CDKAL1: variants seen among roughly 807,000 people sequenced by gnomAD.
CDKAL1 encodes threonylcarbamoyladenosine tRNA methylthiotransferase.
In CDKAL1, 32 loss-of-function variants were observed where a neutral mutation model predicts 68.2. The observed-to-expected ratio is 0.47, with a 90% confidence interval of 0.35 to 0.63. The LOEUF (loss-of-function observed/expected upper bound fraction) is 0.63. CDKAL1 is among the 30% of genes least tolerant of loss of function. The pLI, the probability that CDKAL1 is intolerant of heterozygous loss-of-function variation, is 0.00. For missense variants in CDKAL1, 606 were observed against 696.7 expected (o/e 0.87, Z 1.47); for synonymous variants, 234 against 244.3 (o/e 0.96, Z 0.39).
chr6:20,721,725 GTTTTTTTTTTT>G (rs145893325), intron 5 of CDKAL1, among the ~76,000 whole-genome samples: 1 of 67,380 alleles, frequency 1.5e-5, no homozygotes, highest in Non-Finnish European at 2.7e-5. Context: ...ACCAACTTCT[GTTTTTTTTTTT>G]TTTTTTTTTT....
At chr6:20,744,546 G>C (rs1438760325) in intron 6 of CDKAL1, among the ~76,000 whole-genome samples, 1 of 152,116 alleles carries the variant, frequency 6.6e-6, no homozygotes, top group Non-Finnish European at 1.5e-5. Flanking sequence ...AACTTCTCCA[G>C]CTTCCTGGAG....
intron 5 of CDKAL1, among the ~76,000 whole-genome samples, chr6:20,700,723 G>C (rs1402327374): frequency 2.6e-5 from 4 of 152,110 alleles, no homozygotes; most frequent in African/African-American, 9.7e-5. Flanking sequence ...GTAACATACA[G>C]AATATTGAGA....
chr6:21,188,168 A>T (rs866699574), intron 13 of CDKAL1, among the ~76,000 whole-genome samples: 1 of 151,900 alleles, frequency 6.6e-6, no homozygotes, highest in African/African-American at 2.4e-5. Flanking sequence ...CATACTTGCA[A>T]TTTTTTTCTA....
chr6:20,860,874 A>C (rs115111671), intron 9 of CDKAL1, among the ~76,000 whole-genome samples: 2,006 of 152,038 alleles, frequency 0.013, 31 homozygotes, highest in African/African-American at 0.046. Flanking sequence ...ATAATTTATA[A>C]ACTAATAGAA....
Position 20,727,170 on chromosome 6 carries a change from C to T in CDKAL1, c.372-12349C>T, listed in dbSNP as rs116224475. Among the ~76,000 whole-genome samples, 332 of 152,276 alleles carry T rather than the reference C, an allele frequency of 2.2e-3. 3 individuals are homozygous for T. The highest frequency in any genetic ancestry group is 7.7e-3 in the African/African-American group (319 of 41,544). ...TGCCAGCCAGGCCCTGAACCCTTGA[C>T]CCACAGGTAACTGTTTCCTTAACTT... On this transcript the variant is annotated intron_variant, in intron 5 of 15. Transcript: ENST00000274695.
At position 21,064,327 on chromosome 6, in the gene CDKAL1, C is replaced by T. The variant is rs544710264; in HGVS notation, c.1056-721C>T. ...AAAAAGATTATTGAAAAAAGGATAC[C>T]AAGAAGCAACATTCAAAGATGATAA... On this transcript the variant is annotated intron_variant, in intron 11 of 15. Coordinates refer to ENST00000274695, the MANE Select transcript of CDKAL1 (RefSeq NM_017774.3). Among the ~76,000 whole-genome samples, 5 of 152,120 alleles carry T rather than the reference C, an allele frequency of 3.3e-5. No homozygotes were observed. The East Asian group carries it at 9.7e-4, about 29-fold the overall frequency.
chr6:21,211,093 A>G (rs1013933689), intron 15 of CDKAL1, among the ~76,000 whole-genome samples: 8 of 152,218 alleles, frequency 5.3e-5, no homozygotes, highest in South Asian at 2.1e-4. Context: ...GGAACTGTCA[A>G]TGTGGAGAGG....
At chr6:20,878,181 T>C (rs1760625205) in intron 9 of CDKAL1, among the ~76,000 whole-genome samples, 1 of 152,212 alleles carries the variant, frequency 6.6e-6, no homozygotes, top group African/African-American at 2.4e-5. Flanking sequence ...TGTAAGATGA[T>C]TTTATCTGTA....
At chr6:20,695,439 T>G (rs1771067560) in intron 5 of CDKAL1, among the ~76,000 whole-genome samples, 1 of 152,230 alleles carries the variant, frequency 6.6e-6, no homozygotes. Context: ...CTAGATGCTC[T>G]GGATGGACAT....
At chr6:20,835,706 C>T (rs1777910754) in intron 8 of CDKAL1, among the ~76,000 whole-genome samples, 1 of 152,048 alleles carries the variant, frequency 6.6e-6, no homozygotes. Flanking sequence ...CGCCACCAGG[C>T]CCAGCTAATT....
At chr6:21,219,958 G>A (rs1779475341) in intron 15 of CDKAL1, among the ~76,000 whole-genome samples, 1 of 152,194 alleles carries the variant, frequency 6.6e-6, no homozygotes, top group Non-Finnish European at 1.5e-5. Context: ...GGTTTCGGGT[G>A]TGAGAGACTA....
chr6:20,915,822 G>A (rs1437874784), intron 9 of CDKAL1, among the ~76,000 whole-genome samples: 4 of 152,074 alleles, frequency 2.6e-5, no homozygotes, highest in Admixed American at 2.6e-4. Flanking sequence ...ACAAGTGAAT[G>A]GATAAACAAC....
intron 11 of CDKAL1, among the ~76,000 whole-genome samples, chr6:21,035,638 A>C (rs1769536387): frequency 6.6e-6 from 1 of 152,164 alleles, no homozygotes; most frequent in Non-Finnish European, 1.5e-5. Context: ...TGTTACTAAG[A>C]AGAATGAAAT....
At chr6:20,822,449 A>G (rs549350783) in intron 8 of CDKAL1, among the ~76,000 whole-genome samples, 51 of 152,302 alleles carry the variant, frequency 3.3e-4, no homozygotes, top group African/African-American at 5.1e-4. Flanking sequence ...ATGCCACAAC[A>G]TAAGTCCAGA....
chr6:20,587,962 T>G (rs1349158224), intron 4 of CDKAL1, among the ~76,000 whole-genome samples: 1 of 151,958 alleles, frequency 6.6e-6, no homozygotes, highest in Non-Finnish European at 1.5e-5. Flanking sequence ...CCAGGCATGG[T>G]GGCATGCACC....
chr6:20,630,453 A>G (rs538873824), intron 4 of CDKAL1, among the ~76,000 whole-genome samples: 3 of 151,028 alleles, frequency 2.0e-5, no homozygotes, highest in Non-Finnish European at 2.9e-5. Context: ...AAGGAACTGC[A>G]GTCCCTCTTG....
At chr6:20,584,765 G>A (rs1177968200) in intron 4 of CDKAL1, among the ~76,000 whole-genome samples, 1 of 152,200 alleles carries the variant, frequency 6.6e-6, no homozygotes, top group Non-Finnish European at 1.5e-5. Flanking sequence ...TGACTCTGGT[G>A]AGGTGCATAG....
intron 4 of CDKAL1, among the ~76,000 whole-genome samples, chr6:20,646,802 G>C (rs1358623210): frequency 1.3e-5 from 2 of 152,124 alleles, no homozygotes; most frequent in Non-Finnish European, 2.9e-5. Context: ...GGAGTATGGT[G>C]GCACGATCTC....
intron 6 of CDKAL1, among the ~76,000 whole-genome samples, chr6:20,750,091 A>G (rs940639995): frequency 6.6e-6 from 1 of 152,104 alleles, no homozygotes; most frequent in African/African-American, 2.4e-5. Flanking sequence ...TAATTAGACT[A>G]TAAGGTCCAT....
Sources: allele counts gnomAD v4.1 joint callset (sites outside exome capture counted in the v4.1 genomes callset), GRCh38; gene constraint gnomAD v4.1.1; transcripts MANE v1.5; gene names NCBI Gene and HGNC (gene_info 2026-07-23, HGNC 2026-07-21).